Variants in TLK1 observed in about 807,000 individuals in gnomAD.
The protein encoded by TLK1 is serine/threonine-protein kinase tousled-like 1.
In TLK1, 24 loss-of-function variants were observed where a neutral mutation model predicts 105.3. That is an observed-to-expected ratio of 0.23 (90% confidence interval 0.17 to 0.32). The LOEUF (loss-of-function observed/expected upper bound fraction) is 0.32. Ranked by LOEUF, TLK1 falls within the 10% of genes least tolerant of loss-of-function variation. The pLI is 1.00. For synonymous variants in TLK1, 321 were observed against 310.4 expected (o/e 1.03, Z -0.36); for missense variants, 558 against 910.5 (o/e 0.61, Z 4.98).
At chr2:171,135,491 G>C (rs1691277071) in intron 1 of TLK1, among the ~76,000 whole-genome samples, 3 of 151,922 alleles carry the variant, frequency 2.0e-5, no homozygotes. Flanking sequence ...AATGTAACAA[G>C]ATCCTATCTC....
chr2:171,062,908 G>A (rs1687821284), intron 3 of TLK1, among the ~76,000 whole-genome samples: 1 of 152,206 alleles, frequency 6.6e-6, no homozygotes, highest in Non-Finnish European at 1.5e-5. Context: ...TCAGGAGGTA[G>A]ACTGATGTAC....
Position 171,127,231 on chromosome 2 carries a change from C to T in TLK1, c.140-9374G>A, listed in dbSNP as rs1454080836. 2.8e-5 allele frequency among the ~76,000 whole-genome samples: 4 copies of T among 145,038 alleles called. No individual in the cohort carries two copies. In the South Asian group the frequency reaches 6.5e-4, roughly 23 times the overall value. ...GGCGGAGGTTGCAGTGAGCTGAGAT[C>T]ATGTCACTGCACTCCAGCCTGGCCA... is the stretch of plus-strand genomic sequence containing the variant. On this transcript the variant is annotated intron_variant, in intron 1 of 20. Transcript: ENST00000431350.
chr2:171,202,596 A>AATAGT (rs1212061152), intron 1 of TLK1, among the ~76,000 whole-genome samples: 1 of 151,946 alleles, frequency 6.6e-6, no homozygotes, highest in African/African-American at 2.4e-5. Context: ...GTGTCTACTA[A>AATAGT]AAATACAAAA....
At chr2:171,062,177 G>A (rs938673510) in intron 3 of TLK1, among the ~76,000 whole-genome samples, 6 of 152,186 alleles carry the variant, frequency 3.9e-5, no homozygotes, top group Non-Finnish European at 8.8e-5. Flanking sequence ...ACAGGCAATG[G>A]CACCAGGCCC....
chr2:171,082,767 A>G lies in TLK1; in HGVS notation c.330+14T>C. Reference sequence around the variant, plus strand: ...TTACTTTAATAGCACCATATTTAAAATGAAATTACTTACCTCTGATTCTTT... The same window carrying G: ...TTACTTTAATAGCACCATATTTAAAGTGAAATTACTTACCTCTGATTCTTT... On this transcript the variant is annotated intron_variant, in intron 3 of 20. Coordinates refer to ENST00000431350, the MANE Select transcript of TLK1 (RefSeq NM_012290.5). The G allele has an allele frequency of 1.3e-6, 2 of 1,577,846 alleles. No homozygotes were observed. The highest frequency in any genetic ancestry group is 1.7e-6 in the Non-Finnish European group (2 of 1,156,046).
intron 1 of TLK1, chr2:171,155,496 A>G (rs757906232): frequency 3.3e-5 from 5 of 152,212 alleles, no homozygotes; most frequent in Non-Finnish European, 1.5e-5. Context: ...GTTTCATACT[A>G]CTGACTTGCA....
At position 171,067,077 on chromosome 2, in the gene TLK1, C is replaced by T. The variant is rs952385628; in HGVS notation, c.331-5921G>A. On this transcript the variant is annotated intron_variant, in intron 3 of 20. Transcript: ENST00000431350. Reference sequence around the variant, plus strand: ...ACCCCTACAAACATTCCTTTGAACACGAATCCCTAGGTCTGTACAATTATT... The same window carrying T: ...ACCCCTACAAACATTCCTTTGAACATGAATCCCTAGGTCTGTACAATTATT... The T allele has an allele frequency of 1.0e-5, 12 of 1,173,808 alleles. No individual in the cohort carries two copies. The South Asian group carries it at 1.1e-4, about 10-fold the overall frequency. 72.7% of individuals were successfully genotyped at this position (1,173,808 alleles called of 1,614,324 possible). A position where few individuals can be genotyped will look rare whatever the true frequency, so the allele number is the denominator to read the frequency against.
At position 171,006,867 on chromosome 2, in the gene TLK1, T is replaced by G; in HGVS notation, c.1531A>C (p.Ile511Leu). Residue 511 changes from isoleucine (I) to leucine (L), a missense_variant, in exon 16 of 21, where the codon ATA (isoleucine) becomes CTA (leucine). Around this residue, in one of 5 missense-constraint regions of TLK1, gnomAD observed 218 missense variants for 492.9 expected, o/e 0.44. Transcript: ENST00000431350. ...CTGGGGTGATCCAGTTCTTTGTGTA[T>G]TCTATACTCTCTGCAGGCATGTCTA... ...YHKHACREYR[I>L]HKELDHPRIV... The G allele has an allele frequency of 6.2e-7, 1 of 1,613,096 alleles. No individual in the cohort carries two copies. The highest frequency in any genetic ancestry group is 8.5e-7 in the Non-Finnish European group (1 of 1,179,360).
rs143885913 is a variant in TLK1, at chr2:171,096,242, G to A, written c.259-13390C>T. On this transcript the variant is annotated intron_variant, in intron 2 of 20. Transcript: ENST00000431350. ...TGGAAGGGCATGGTGGCTCATGCCTGTAATTCCAGCATTTTGGGAGGCCAA... is the reference window on the plus strand; with the variant it reads ...TGGAAGGGCATGGTGGCTCATGCCTATAATTCCAGCATTTTGGGAGGCCAA... 5.0e-3 allele frequency among the ~76,000 whole-genome samples: 758 copies of A among 152,070 alleles called. 6 individuals are homozygous for A. Among genetic ancestry groups the A allele is most frequent in the African/African-American group, 0.017 (704 of 41,460 alleles).
intron 1 of TLK1, among the ~76,000 whole-genome samples, chr2:171,199,234 G>A (rs1458600631): frequency 6.6e-6 from 1 of 152,196 alleles, no homozygotes; most frequent in African/African-American, 2.4e-5. Flanking sequence ...AAGAGCATCA[G>A]GTGCAGTGGC....
At chr2:171,204,599 C>T (rs1486448054) in intron 1 of TLK1, among the ~76,000 whole-genome samples, 3 of 150,108 alleles carry the variant, frequency 2.0e-5, no homozygotes, top group Non-Finnish European at 4.4e-5. Flanking sequence ...AAATGATATA[C>T]ATATCTGAAA....
rs199551198 is a variant in TLK1 at position 171,118,437 on chromosome 2, A to G, written c.140-580T>C. Among the ~76,000 whole-genome samples the G allele has an allele frequency of 9.9e-5, 15 of 152,282 alleles. No individual in the cohort carries two copies. In the Middle Eastern group the frequency reaches 0.01, roughly 104 times the overall value. On this transcript the variant is annotated intron_variant, in intron 1 of 20. Transcript: ENST00000431350. ...TTAAACTATAAAGAACTGTTTTATT[A>G]TTGTCACAATCCTTAAGATTTTTTG...
intron 1 of TLK1, among the ~76,000 whole-genome samples, chr2:171,217,440 T>C (rs945571781): frequency 6.6e-6 from 1 of 152,164 alleles, no homozygotes; most frequent in Non-Finnish European, 1.5e-5. Flanking sequence ...CCTGTTCCAT[T>C]GATCTCTTTG....
In TLK1 at chr2:170,992,328, C is replaced by T. The variant is rs895834774; in HGVS notation, c.*1452G>A. The T allele has an allele frequency of 2.0e-5, 3 of 152,210 alleles. No individual in the cohort carries two copies. Among genetic ancestry groups the T allele is most frequent in the African/African-American group, 2.4e-5 (1 of 41,410 alleles). The allele number at this position is 152,210 out of a possible 1,614,324, so 9.4% of individuals were successfully genotyped here. ...ACAATATTAAAGAGAATCCGTGGTA[C>T]GTATAACCTTTTTCTGCAACATGAA... is the stretch of plus-strand genomic sequence containing the variant. On this transcript the variant is annotated 3_prime_UTR_variant, in exon 21 of 21. Transcript: ENST00000431350.
chr2:171,000,758 G>C (rs1684327461), intron 18 of TLK1, among the ~76,000 whole-genome samples: 1 of 152,072 alleles, frequency 6.6e-6, no homozygotes, highest in Non-Finnish European at 1.5e-5. Flanking sequence ...TCCACCACTT[G>C]CTTTAGTTTC....
At chr2:171,043,389 G>C (rs1388901506) in intron 11 of TLK1, among the ~76,000 whole-genome samples, 3 of 152,190 alleles carry the variant, frequency 2.0e-5, no homozygotes, top group African/African-American at 7.2e-5. Context: ...AATGAGGCTA[G>C]ATAACGAAGA....
chr2:171,013,543 C>T (rs1470285887), intron 13 of TLK1, among the ~76,000 whole-genome samples: 3 of 151,290 alleles, frequency 2.0e-5, no homozygotes, highest in Non-Finnish European at 2.9e-5. Context: ...TGGGCTCAAT[C>T]AATTTGCTTG....
chr2:171,044,343 G>T (rs1013528892), intron 11 of TLK1, among the ~76,000 whole-genome samples: 1 of 152,188 alleles, frequency 6.6e-6, no homozygotes, highest in Non-Finnish European at 1.5e-5. Flanking sequence ...TGAGAGGATG[G>T]TAGTGCCACT....
At chr2:171,177,289 ACAC>A (rs1287747970) in intron 1 of TLK1, among the ~76,000 whole-genome samples, 1 of 151,312 alleles carries the variant, frequency 6.6e-6, no homozygotes, top group African/African-American at 2.4e-5. Context: ...CTACAGGCAC[ACAC>A]CACCATGCCT....
Sources: allele counts gnomAD v4.1 joint callset (sites outside exome capture counted in the v4.1 genomes callset), GRCh38; gene constraint gnomAD v4.1.1; regional missense constraint gnomAD v4.1.1; transcripts MANE v1.5; gene names NCBI Gene and HGNC (gene_info 2026-07-23, HGNC 2026-07-21).